The following PAN3 variants were observed in gnomAD, a reference collection of about 807,000 sequenced individuals.
PAN3 encodes poly(A) specific ribonuclease subunit PAN3, also known as PAN2-PAN3 deadenylation complex subunit PAN3.
A neutral mutation model predicts 96.2 loss-of-function variants in PAN3; 19 were observed. The ratio of observed to expected loss-of-function variants is 0.20; its 90% CI spans 0.14 to 0.29. PAN3 has a LOEUF of 0.29. Ranked by LOEUF, PAN3 falls within the 10% of genes least tolerant of loss-of-function variation. The probability of loss-of-function intolerance (pLI) is 1.00; values close to 1 mark genes in which losing one functional copy is unlikely to be tolerated. For synonymous variants in PAN3, 433 were observed against 406.6 expected (o/e 1.06, Z -0.78); for missense variants, 882 against 1,108.1 (o/e 0.80, Z 2.90).
At chr13:28,179,179 A>G (rs917516238) in intron 4 of PAN3, among the ~76,000 whole-genome samples, 9 of 152,226 alleles carry the variant, frequency 5.9e-5, no homozygotes, top group African/African-American at 9.6e-5. Flanking sequence ...CCTGCTTTAC[A>G]TACTTCTCTT....
intron 6 of PAN3, among the ~76,000 whole-genome samples, chr13:28,228,936 A>T (rs1269051124): frequency 1.3e-5 from 2 of 152,188 alleles, no homozygotes; most frequent in Admixed American, 6.6e-5. Context: ...TAACACTCCA[A>T]GGCAGGTGTT....
In PAN3 at chr13:28,267,059, A is replaced by G. The variant is rs188839882; in HGVS notation, c.1574-36A>G. ...CTGATGGAATATGAAGGAGACGTCA[A>G]TTAGAGTTTACTGGAGTAGAAAAAT... On this transcript the variant is annotated intron_variant, in intron 10 of 18. Transcript: ENST00000380958. The G allele has an allele frequency of 3.3e-4, 502 of 1,537,008 alleles. 2 individuals are homozygous for G. The highest frequency in any genetic ancestry group is 3.1e-3 in the South Asian group (263 of 83,986).
Position 28,272,006 on chromosome 13 carries a change from T to A in PAN3, c.1984T>A (p.Phe662Ile). The change falls in exon 14 of 19, where the codon TTT becomes ATT. Residue 662 changes from phenylalanine (F) to isoleucine (I), a missense_variant. Physicochemically the swap from Phe to Ile is conservative, Grantham distance 21 (BLOSUM62 0). Coordinates refer to ENST00000380958, the MANE Select transcript of PAN3 (RefSeq NM_175854.8). The part of the protein sequence containing the change: ...TRLRVNCVGV[F>I]DVLTFDNSQN... ...GTTGCGAGTAAATTGTGTTGGAGTT[T>A]TTGATGTTTTAACATTTGATAACAG... The A allele has an allele frequency of 6.3e-7, 1 of 1,588,318 alleles. No individual in the cohort carries two copies.
chr13:28,217,831 G>A lies in PAN3; in HGVS notation c.853-2400G>A, dbSNP rs539086565. ...ATTATTCAAACATAGGTCAGGGATA[G>A]TAAAACTTTAGTTTTTTTTATTTCT... On this transcript the variant is annotated intron_variant, in intron 5 of 18. Coordinates refer to ENST00000380958, the MANE Select transcript of PAN3 (RefSeq NM_175854.8). Among the ~76,000 whole-genome samples, 86 of 60,706 alleles carry A rather than the reference G, an allele frequency of 1.4e-3. 1 individual carries two copies. Among genetic ancestry groups the A allele is most frequent in the Middle Eastern group, 8.8e-3 (1 of 114 alleles). 39.8% of individuals were successfully genotyped at this position (60,706 alleles called of 152,430 possible). A position where few individuals can be genotyped will look rare whatever the true frequency, so the allele number is the denominator to read the frequency against.
At chr13:28,263,927 C>T (rs780483499) in intron 9 of PAN3, among the ~76,000 whole-genome samples, 1 of 152,116 alleles carries the variant, frequency 6.6e-6, no homozygotes, top group Non-Finnish European at 1.5e-5. Context: ...CAATTTTCAA[C>T]TTAGACATTT....
chr13:28,155,063 G>A (rs1252675374), intron 1 of PAN3, among the ~76,000 whole-genome samples: 1 of 149,544 alleles, frequency 6.7e-6, no homozygotes, highest in African/African-American at 2.5e-5. Flanking sequence ...TGATCCACCC[G>A]CCTTGGCCTC....
chr13:28,141,775 A>C (rs534899572), intron 1 of PAN3, among the ~76,000 whole-genome samples: 6 of 152,224 alleles, frequency 3.9e-5, no homozygotes, highest in Non-Finnish European at 5.9e-5. Flanking sequence ...TTTTCTAATT[A>C]ACACACAATA....
chr13:28,186,607 T>C (rs540702314), intron 4 of PAN3, among the ~76,000 whole-genome samples: 7 of 152,364 alleles, frequency 4.6e-5, no homozygotes, highest in Admixed American at 6.5e-5. Context: ...TTTGTTTAAA[T>C]TCAATTATAA....
At position 28,138,963 on chromosome 13, in the gene PAN3, C is replaced by G. The variant is rs1422114256; in HGVS notation, c.306C>G (p.Ala102=). Residue 102 remains alanine (A), a synonymous_variant, in exon 1 of 19, where the codon GCC becomes GCG. Transcript: ENST00000380958. ...GAPVAGFPPG[A]VAGGGAGPPP... ...CCGTGGCCGGCTTTCCGCCGGGAGC[C>G]GTCGCGGGCGGGGGAGCTGGGCCGC... 7 of 1,290,610 alleles carry G rather than the reference C, an allele frequency of 5.4e-6. No homozygotes were observed. The highest frequency in any genetic ancestry group is 6.9e-6 in the Non-Finnish European group (7 of 1,019,680). The allele number at this position is 1,290,610 out of a possible 1,614,324, so 79.9% of individuals were successfully genotyped here.
intron 4 of PAN3, among the ~76,000 whole-genome samples, chr13:28,194,030 G>C (rs534007946): frequency 6.6e-6 from 1 of 151,552 alleles, no homozygotes; most frequent in Non-Finnish European, 1.5e-5. Flanking sequence ...GGTGGCAGGC[G>C]TCTGTAATCC....
chr13:28,266,736 G>A lies in PAN3; in HGVS notation c.1433G>A (p.Ser478Asn), dbSNP rs745481535. The change falls in exon 10 of 19, where the codon AGC (serine) becomes AAC (asparagine). Residue 478 changes from serine (S) to asparagine (N), a missense_variant. Physicochemically the swap from Ser to Asn is conservative, Grantham distance 46. Transcript: ENST00000380958. ...CTAGCAGTTCCTACAGAGGTTGACAGCTACCATAGCCTATTCCCTCTAGAA... is the reference window on the plus strand; with the variant it reads ...CTAGCAGTTCCTACAGAGGTTGACAACTACCATAGCCTATTCCCTCTAGAA... Reference protein sequence around the residue: ...DMPAVPTEVDSYHSLFPLEPL... With the variant: ...DMPAVPTEVDNYHSLFPLEPL... 1 of 1,592,752 alleles carries A rather than the reference G, an allele frequency of 6.3e-7. No individual in the cohort carries two copies. Among genetic ancestry groups the A allele is most frequent in the Non-Finnish European group, 8.5e-7 (1 of 1,171,462 alleles).
Position 28,267,397 on chromosome 13 carries a change from G to T in PAN3, c.1788G>T (p.Lys596Asn), listed in dbSNP as rs773169905. The change falls in exon 12 of 19, where the codon AAG (lysine) becomes AAT (asparagine). Residue 596 changes from lysine (K) to asparagine (N), a missense_variant. Transcript: ENST00000380958. Reference protein sequence around the residue: ...PNADAYFTKRKWGQHEGPLPR... With the variant: ...PNADAYFTKRNWGQHEGPLPR... ...CTGATGCCTACTTCACCAAGAGAAA[G>T]TGGGGTAAGAAAAAGATGCAGGCAA... is the stretch of plus-strand genomic sequence containing the variant. The T allele has an allele frequency of 3.7e-5, 59 of 1,612,178 alleles. No individual in the cohort carries two copies. Among genetic ancestry groups the T allele is most frequent in the Middle Eastern group, 3.3e-4 (2 of 6,056 alleles).
At chr13:28,240,386 A>T (rs1171700211) in intron 6 of PAN3, among the ~76,000 whole-genome samples, 1 of 152,210 alleles carries the variant, frequency 6.6e-6, no homozygotes, top group Non-Finnish European at 1.5e-5. Context: ...CTGTGGGATG[A>T]CATAGAAAAT....
At chr13:28,188,596 GAAAAAA>G (rs200791650) in intron 4 of PAN3, among the ~76,000 whole-genome samples, 4 of 147,626 alleles carry the variant, frequency 2.7e-5, no homozygotes, top group African/African-American at 7.4e-5. Context: ...AGACTGTCTA[GAAAAAA>G]AAAGAAAAAG....
chr13:28,267,653 T>G (rs1034664496), intron 12 of PAN3, among the ~76,000 whole-genome samples: 1 of 151,932 alleles, frequency 6.6e-6, no homozygotes, highest in Admixed American at 6.6e-5. Flanking sequence ...TGGCAGAAGG[T>G]GAAAGGCATG....
rs1478273330 is a variant in PAN3 at position 28,294,704 on chromosome 13, T to G, written c.*2182T>G. The G allele has an allele frequency of 6.5e-6, 1 of 152,680 alleles. No individual in the cohort carries two copies. Among genetic ancestry groups the G allele is most frequent in the East Asian group, 1.9e-4 (1 of 5,202 alleles). 9.5% of individuals were successfully genotyped at this position (152,680 alleles called of 1,614,324 possible). A position where few individuals can be genotyped will look rare whatever the true frequency, so the allele number is the denominator to read the frequency against. On this transcript the variant is annotated 3_prime_UTR_variant, in exon 19 of 19. Coordinates refer to ENST00000380958, the MANE Select transcript of PAN3 (RefSeq NM_175854.8). ...AATGTTTGCATCCTAAATGCTAGTT[T>G]GCTTCAGCCCCTAGTTAACCTCAGG...
chr13:28,197,108 T>C, intron 4 of PAN3, 77 bp from the exon 5 acceptor site: 10 of 1,493,796 alleles, frequency 6.7e-6, no homozygotes, highest in Non-Finnish European at 9.0e-6. Flanking sequence ...CAGTATCCTG[T>C]ATATGTTAGT....
At chr13:28,157,461 C>G (rs1343930027) in intron 1 of PAN3, among the ~76,000 whole-genome samples, 1 of 152,152 alleles carries the variant, frequency 6.6e-6, no homozygotes, top group Non-Finnish European at 1.5e-5. Context: ...TAGAAAACCT[C>G]GTCGTCTCTG....
intron 17 of PAN3, 24 bp from the exon 18 acceptor site, chr13:28,287,960 A>T: frequency 1.3e-6 from 2 of 1,596,770 alleles, no homozygotes; most frequent in Non-Finnish European, 1.7e-6. Context: ...TGAGTTACTG[A>T]GGTAAAATGT....
Sources: allele counts gnomAD v4.1 joint callset (sites outside exome capture counted in the v4.1 genomes callset), GRCh38; gene constraint gnomAD v4.1.1; transcripts MANE v1.5; gene names NCBI Gene and HGNC (gene_info 2026-07-23, HGNC 2026-07-21).